The following TICRR variants were observed in gnomAD, a reference collection of about 807,000 sequenced individuals.
TICRR encodes TOPBP1 interacting checkpoint and replication regulator, also known as treslin.
TICRR carries 132 observed loss-of-function variants against 178.1 expected under a neutral mutation model. That is an observed-to-expected ratio of 0.74 (90% CI 0.64 to 0.86). The LOEUF (loss-of-function observed/expected upper bound fraction) is 0.86, where lower values mean the gene tolerates loss of function less well. TICRR is among the 40% of genes least tolerant of loss of function. The pLI, the probability that TICRR is intolerant of heterozygous loss-of-function variation, is 0.00. For synonymous variants in TICRR, 991 were observed against 900.7 expected, an observed-to-expected ratio of 1.10 and a Z score of -1.79; for missense variants, 2,587 against 2,334.3, an observed-to-expected ratio of 1.11 and a Z score of -2.23.
intron 7 of TICRR, among the ~76,000 whole-genome samples, chr15:89,596,435 C>G (rs1026039197): frequency 6.6e-6 from 1 of 152,102 alleles, no homozygotes; most frequent in East Asian, 1.9e-4. Context: ...CAACCTCTGC[C>G]TCCCGGGTTC....
intron 7 of TICRR, among the ~76,000 whole-genome samples, chr15:89,597,124 T>C (rs1963010064): frequency 6.6e-6 from 1 of 152,234 alleles, no homozygotes; most frequent in Non-Finnish European, 1.5e-5. Context: ...AGTTTATTAA[T>C]GTTTGAATAT....
intron 9 of TICRR, 71 bp from the exon 10 acceptor site, chr15:89,601,227 A>G (rs1284997057): frequency 3.0e-6 from 4 of 1,352,888 alleles, no homozygotes; most frequent in Admixed American, 1.8e-5. Flanking sequence ...AAATAGATCT[A>G]TGCTTACGGA....
At chr15:89,619,954 A>T in intron 18 of TICRR, 112 bp downstream of exon 18, 1 of 1,320,592 alleles carries the variant, frequency 7.6e-7, no homozygotes, top group Non-Finnish European at 1.0e-6. Flanking sequence ...GGAGAAGTAG[A>T]ATAGGTATGT....
chr15:89,616,809 G>A (rs1963343335), intron 16 of TICRR, among the ~76,000 whole-genome samples: 1 of 152,214 alleles, frequency 6.6e-6, no homozygotes. Flanking sequence ...CATAGAGAAG[G>A]TGGAAGTCTG....
chr15:89,626,046 A>G lies in TICRR; in HGVS notation c.5587A>G (p.Ser1863Gly). ...CCAGGGGAAAACACCTTCCTCTCAG[A>G]GCAAAGACCCCAGAGGTAATGTTTG... Reference protein sequence around the residue: ...LFQGKTPSSQSKDPRDEDVDV... With the variant: ...LFQGKTPSSQGKDPRDEDVDV... The change falls in exon 21 of 22, where the codon AGC becomes GGC. Residue 1863 changes from serine (S) to glycine (G), a missense_variant. Coordinates refer to ENST00000268138, the MANE Select transcript of TICRR (RefSeq NM_152259.4). 6.2e-7 allele frequency: 1 copy of G among 1,613,904 alleles called. No homozygotes were observed. The highest frequency in any genetic ancestry group is 8.5e-7 in the Non-Finnish European group (1 of 1,179,912).
Position 89,575,555 on chromosome 15 carries a change from G to C in TICRR, c.-32G>C. ...ACTAAGGGACGGTGGCGCGGGCCCG[G>C]ACCGGGGCCCCGGGGCGGCGGCACG... On this transcript the variant is annotated 5_prime_UTR_variant, in exon 1 of 22. Transcript: ENST00000268138. 3 of 1,449,312 alleles carry C rather than the reference G, an allele frequency of 2.1e-6. No individual in the cohort carries two copies. The highest frequency in any genetic ancestry group is 2.7e-6 in the Non-Finnish European group (3 of 1,109,024). 89.8% of individuals were successfully genotyped at this position (1,449,312 alleles called of 1,614,324 possible). A position where few individuals can be genotyped will look rare whatever the true frequency, so the allele number is the denominator to read the frequency against.
Position 89,624,367 on chromosome 15 carries a change from C to T in TICRR, c.4057C>T (p.Leu1353Phe). The stretch of plus-strand genomic sequence containing the variant: ...GATGTCACCCAGCGTAGCTGCATCT[C>T]TCTCCTGCCCTGTTCCCTCAACTCC... Reference protein sequence around the residue: ...PQMSPSVAASLSCPVPSTPPE... With the variant: ...PQMSPSVAASFSCPVPSTPPE... The change falls in exon 20 of 22, where the codon CTC (leucine) becomes TTC (phenylalanine). Residue 1353 changes from leucine to phenylalanine, a missense_variant. Leu to Phe is a conservative substitution (Grantham distance 22). Coordinates refer to ENST00000268138, the MANE Select transcript of TICRR (RefSeq NM_152259.4). The T allele has an allele frequency of 6.2e-7, 1 of 1,614,036 alleles. No homozygotes were observed.
chr15:89,583,867 T>C (rs1962773166), intron 2 of TICRR, among the ~76,000 whole-genome samples: 1 of 152,120 alleles, frequency 6.6e-6, no homozygotes, highest in Non-Finnish European at 1.5e-5. Context: ...TTGTATTTTT[T>C]GTAGAGATGG....
chr15:89,598,424 G>C (rs1445503751), intron 7 of TICRR, among the ~76,000 whole-genome samples: 1 of 152,084 alleles, frequency 6.6e-6, no homozygotes, highest in Non-Finnish European at 1.5e-5. Flanking sequence ...GTGCAATGGT[G>C]CGGTCTTGGC....
rs777228533 is a variant in TICRR, at chr15:89,624,639, T to C, written c.4329T>C (p.Pro1443=). ...SPPERRGYPG[P]GLRSDWHASS... ...CTGAAAGACGGGGCTACCCAGGCCC[T>C]GGTCTCAGGAGTGATTGGCATGCAT... The change falls in exon 20 of 22, where the codon CCT becomes CCC. Residue 1443 remains proline (P), a synonymous_variant. Transcript: ENST00000268138. 6.2e-7 allele frequency: 1 copy of C among 1,613,944 alleles called. No homozygotes were observed. Among genetic ancestry groups the C allele is most frequent in the Non-Finnish European group, 8.5e-7 (1 of 1,180,034 alleles).
chr15:89,626,959 AGGATGT>A lies in TICRR; in HGVS notation c.5613_5618del (p.Asp1872_Val1873del). The stretch of plus-strand genomic sequence containing the variant: ...AAGCCTTTCTACCTTCTTCTAGATG[AGGATGT>A]GGATGTTCTTCCCTCCACTGTAGAA... On this transcript the variant is annotated inframe_deletion, in exon 22 of 22. Coordinates refer to ENST00000268138, the MANE Select transcript of TICRR (RefSeq NM_152259.4). The A allele has an allele frequency of 2.5e-6, 4 of 1,613,790 alleles. No individual in the cohort carries two copies. The highest frequency in any genetic ancestry group is 3.4e-6 in the Non-Finnish European group (4 of 1,179,860).
In TICRR at chr15:89,601,515, T is replaced by C; in HGVS notation, c.2274T>C (p.Cys758=). The C allele has an allele frequency of 1.2e-6, 2 of 1,614,216 alleles. No homozygotes were observed. The highest frequency in any genetic ancestry group is 1.7e-6 in the Non-Finnish European group (2 of 1,180,030). ...EEVTDLLRMV[C]LTEDSAYLAE... Reference sequence around the variant, plus strand: ...TGACAGATTTGCTGCGCATGGTGTGTTTAACTGAGGATTCAGCGTACCTAG... The same window carrying C: ...TGACAGATTTGCTGCGCATGGTGTGCTTAACTGAGGATTCAGCGTACCTAG... Residue 758 remains cysteine (C), a synonymous_variant, in exon 11 of 22, where the codon TGT becomes TGC. Coordinates refer to ENST00000268138, the MANE Select transcript of TICRR (RefSeq NM_152259.4).
At position 89,575,951 on chromosome 15, in the gene TICRR, C is replaced by G; in HGVS notation, c.365C>G (p.Thr122Arg). The change falls in exon 1 of 22, where the codon ACG (threonine) becomes AGG (arginine). Residue 122 changes from threonine to arginine, a missense_variant. By Grantham distance (71) the Thr-to-Arg change is moderately conservative. Transcript: ENST00000268138. ...GACCGGCCCGAGATCACGTCGCCCA[C>G]GAAGCCGATCCTGCGGAGCAGCGGG... ...QWDRPEITSP[T>R]KPILRSSGRR... The G allele has an allele frequency of 6.2e-7, 1 of 1,600,650 alleles. No individual in the cohort carries two copies. The highest frequency in any genetic ancestry group is 1.1e-5 in the South Asian group (1 of 89,622).
At chr15:89,593,372 G>A (rs1962944839) in intron 5 of TICRR, among the ~76,000 whole-genome samples, 1 of 152,130 alleles carries the variant, frequency 6.6e-6, no homozygotes, top group Non-Finnish European at 1.5e-5. Flanking sequence ...TTTATGAGAT[G>A]TAAATATTGA....
chr15:89,576,013 GC>G lies in TICRR; in HGVS notation c.429del (p.Glu144ArgfsTer8), dbSNP rs1326247111. The G allele has an allele frequency of 6.2e-7, 1 of 1,608,638 alleles. No homozygotes were observed. The highest frequency in any genetic ancestry group is 8.5e-7 in the Non-Finnish European group (1 of 1,178,408). ...LLDVESEAKE[A>X]EAALGGLVNA... ...GGACGTGGAGAGCGAGGCCAAGGAG[GC>G]CGAGGCCGCGCTCGGGGGCTTGGTG... is the stretch of plus-strand genomic sequence containing the variant. On this transcript the variant is annotated frameshift_variant, in exon 1 of 22. Transcript: ENST00000268138. LOFTEE classifies it high-confidence loss of function.
Position 89,624,138 on chromosome 15 carries a change from G to A in TICRR, c.3828G>A (p.Arg1276=), listed in dbSNP as rs144974643. ...HQQPHVLRAA[R]AEEPAQKLKD... ...AGCCCCATGTCCTCAGAGCTGCTCGGGCAGAGGAACCAGCCCAGAAACTAA... is the reference window on the plus strand; with the variant it reads ...AGCCCCATGTCCTCAGAGCTGCTCGAGCAGAGGAACCAGCCCAGAAACTAA... The change falls in exon 20 of 22, where the codon CGG becomes CGA. Residue 1276 remains arginine, a synonymous_variant. Transcript: ENST00000268138. 156 of 1,613,750 alleles carry A rather than the reference G, an allele frequency of 9.7e-5. No homozygotes were observed. In the African/African-American group the frequency reaches 2.0e-3, roughly 20 times the overall value.
At chr15:89,595,676 T>G in intron 7 of TICRR, 65 bp downstream of exon 7, 3 of 1,204,216 alleles carry the variant, frequency 2.5e-6, no homozygotes, top group Non-Finnish European at 3.5e-6. Flanking sequence ...AATTTAATCG[T>G]ACCCTTAGTT....
rs370553025 is a variant in TICRR at position 89,585,798 on chromosome 15, C to T, written c.1267C>T (p.Arg423Cys). The T allele has an allele frequency of 7.4e-6, 12 of 1,614,032 alleles. No homozygotes were observed. The highest frequency in any genetic ancestry group is 8.5e-6 in the Non-Finnish European group (10 of 1,180,030). The stretch of plus-strand genomic sequence containing the variant: ...CAGTGCTATGATCCTCACTGTGTGC[C>T]GCACCAAGGAGGCTGAATTTCAACG... Reference protein sequence around the residue: ...SASAMILTVCRTKEAEFQRHV... With the variant: ...SASAMILTVCCTKEAEFQRHV... The change falls in exon 4 of 22, where the codon CGC (arginine) becomes TGC (cysteine). Residue 423 changes from arginine to cysteine, a missense_variant. Arg to Cys is a radical substitution (Grantham distance 180). Coordinates refer to ENST00000268138, the MANE Select transcript of TICRR (RefSeq NM_152259.4).
intron 8 of TICRR, 60 bp downstream of exon 8, chr15:89,599,535 G>T: frequency 6.5e-7 from 1 of 1,539,192 alleles, no homozygotes; most frequent in Non-Finnish European, 8.8e-7. Context: ...GTTGGTTGGT[G>T]GTGGATTTGG....
Sources: allele counts gnomAD v4.1 joint callset (sites outside exome capture counted in the v4.1 genomes callset), GRCh38; gene constraint gnomAD v4.1.1; transcripts MANE v1.5; gene names NCBI Gene and HGNC (gene_info 2026-07-23, HGNC 2026-07-21).